The following JAM3 variants were observed in gnomAD, a reference collection of about 807,000 sequenced individuals.
The protein encoded by JAM3 is junctional adhesion molecule 3, also known as junctional adhesion molecule C.
Under a neutral mutation model 39.4 loss-of-function variants are expected in JAM3, and 31 were observed. That is an observed-to-expected ratio of 0.79 (90% CI 0.59 to 1.06). The LOEUF (loss-of-function observed/expected upper bound fraction) is 1.06, where lower values mean the gene tolerates loss of function less well. Ranked by LOEUF, JAM3 falls within the 50% of genes least tolerant of loss-of-function variation. JAM3 has a pLI of 0.00. For synonymous variants in JAM3, 182 were observed against 148.7 expected (o/e 1.22, Z -1.63); for missense variants, 455 against 391.4 (o/e 1.16, Z -1.37).
chr11:134,117,057 AACTT>A (rs1445758247), intron 1 of JAM3, among the ~76,000 whole-genome samples: 1 of 151,868 alleles, frequency 6.6e-6, no homozygotes, highest in African/African-American at 2.4e-5. Context: ...ATGAAAAAGA[AACTT>A]AAAAAAAAAA....
chr11:134,147,690 C>CCGTG (rs1565507250), intron 6 of JAM3: 12 of 150,222 alleles, frequency 8.0e-5, no homozygotes, highest in African/African-American at 2.7e-4. Flanking sequence ...GTTTCACCAC[C>CCGTG]TTAGCCAGGA....
chr11:134,134,909 C>CATAT (rs1299021801), intron 1 of JAM3, among the ~76,000 whole-genome samples: 1 of 152,004 alleles, frequency 6.6e-6, no homozygotes, highest in Non-Finnish European at 1.5e-5. Context: ...AATCCCTTAT[C>CATAT]ATATATATAT....
intron 1 of JAM3, among the ~76,000 whole-genome samples, chr11:134,130,803 G>T (rs1264461765): frequency 1.3e-5 from 2 of 152,336 alleles, no homozygotes; most frequent in East Asian, 3.9e-4. Context: ...TAATGTGTAT[G>T]TCTATTCCAG....
intron 1 of JAM3, among the ~76,000 whole-genome samples, chr11:134,130,253 C>G (rs1942743527): frequency 6.6e-6 from 1 of 152,148 alleles, no homozygotes; most frequent in African/African-American, 2.4e-5. Context: ...ATCAAAGAAA[C>G]ATTGAAAGAG....
intron 1 of JAM3, among the ~76,000 whole-genome samples, chr11:134,091,982 A>G (rs1591776035): frequency 3.3e-5 from 5 of 152,194 alleles, no homozygotes; most frequent in Admixed American, 2.0e-4. Context: ...ACTTCTAGTC[A>G]TTTCTGTACA....
chr11:134,073,382 A>G (rs1187813592), intron 1 of JAM3, among the ~76,000 whole-genome samples: 5 of 152,224 alleles, frequency 3.3e-5, no homozygotes, highest in African/African-American at 9.7e-5. Context: ...GACTATATGA[A>G]CATTTTTTCT....
chr11:134,088,876 G>A (rs1450150466), intron 1 of JAM3, among the ~76,000 whole-genome samples: 1 of 152,118 alleles, frequency 6.6e-6, no homozygotes, highest in South Asian at 2.1e-4. Flanking sequence ...TGCAACCTCC[G>A]CCTCCCAGGT....
At chr11:134,133,046 GGTT>G (rs1157952884) in intron 1 of JAM3, among the ~76,000 whole-genome samples, 1 of 152,128 alleles carries the variant, frequency 6.6e-6, no homozygotes, top group Non-Finnish European at 1.5e-5. Context: ...TTGATTTTCA[GGTT>G]GTTCAGCTTT....
chr11:134,130,002 CA>C lies in JAM3; in HGVS notation c.77-9839del, dbSNP rs537381988. ...TGGTTACAGAGTGAGATTCTGTCTC[CA>C]AAAAAAAAAGTCAGTAAGAGTATTA... On this transcript the variant is annotated intron_variant, in intron 1 of 8. Coordinates refer to ENST00000299106, the MANE Select transcript of JAM3 (RefSeq NM_032801.5). 9.0e-4 allele frequency among the ~76,000 whole-genome samples: 128 copies of C among 142,810 alleles called. 1 individual carries two copies. Among genetic ancestry groups the C allele is most frequent in the South Asian group, 1.4e-3 (6 of 4,298 alleles). 93.7% of individuals were successfully genotyped at this position (142,810 alleles called of 152,430 possible).
intron 1 of JAM3, among the ~76,000 whole-genome samples, chr11:134,073,491 T>C (rs1941515336): frequency 6.6e-6 from 1 of 152,224 alleles, no homozygotes; most frequent in Non-Finnish European, 1.5e-5. Flanking sequence ...TCATGCTATC[T>C]GCTATGTTTG....
At chr11:134,109,977 C>A (rs954365733) in intron 1 of JAM3, among the ~76,000 whole-genome samples, 1 of 152,138 alleles carries the variant, frequency 6.6e-6, no homozygotes, top group Admixed American at 6.5e-5. Context: ...TTTATTTTCC[C>A]TTCACATTGC....
At chr11:134,120,111 G>A (rs905637152) in intron 1 of JAM3, among the ~76,000 whole-genome samples, 1 of 148,252 alleles carries the variant, frequency 6.7e-6, no homozygotes, top group Non-Finnish European at 1.5e-5. Context: ...TTGCTGCAAA[G>A]ATGCTATTTT....
At chr11:134,072,511 T>C (rs1451269564) in intron 1 of JAM3, among the ~76,000 whole-genome samples, 1 of 152,208 alleles carries the variant, frequency 6.6e-6, no homozygotes, top group African/African-American at 2.4e-5. Flanking sequence ...GGTTTCACCA[T>C]GTTGGCCAGG....
intron 1 of JAM3, among the ~76,000 whole-genome samples, chr11:134,079,992 C>CTT (rs149112662): frequency 0.023 from 3,362 of 148,000 alleles, 131 homozygotes; most frequent in African/African-American, 0.083. Flanking sequence ...TTGTTTTGTT[C>CTT]TTTTTTTTGT....
At chr11:134,148,405 TTCTC>T (rs1183874943) in intron 6 of JAM3, 138 bp from the exon 7 acceptor site, 2 of 910,970 alleles carry the variant, frequency 2.2e-6, no homozygotes, top group African/African-American at 3.3e-5. Context: ...ATTGTAAGTG[TTCTC>T]TCTTCTAGCT....
intron 1 of JAM3, 91 bp from the exon 2 acceptor site, chr11:134,139,760 C>G: frequency 2.1e-6 from 2 of 947,674 alleles, no homozygotes; most frequent in Non-Finnish European, 3.5e-6. Context: ...GTAACCATAG[C>G]CTACGCAGAC....
chr11:134,087,050 C>T (rs947384530), intron 1 of JAM3, among the ~76,000 whole-genome samples: 4 of 152,082 alleles, frequency 2.6e-5, no homozygotes, highest in East Asian at 1.9e-4. Flanking sequence ...AGCGATCCTC[C>T]TCCCTCAGTC....
chr11:134,115,926 G>C (rs1942421792), intron 1 of JAM3, among the ~76,000 whole-genome samples: 1 of 151,836 alleles, frequency 6.6e-6, no homozygotes, highest in East Asian at 1.9e-4. Flanking sequence ...TTGGAGGAGG[G>C]GATAGATACC....
At chr11:134,089,055 T>C (rs1353880617) in intron 1 of JAM3, among the ~76,000 whole-genome samples, 1 of 152,348 alleles carries the variant, frequency 6.6e-6, no homozygotes, top group South Asian at 2.1e-4. Context: ...TGTGGGACAT[T>C]GAGAACTATG....
Sources: allele counts gnomAD v4.1 joint callset (sites outside exome capture counted in the v4.1 genomes callset), GRCh38; gene constraint gnomAD v4.1.1; transcripts MANE v1.5; gene names NCBI Gene and HGNC (gene_info 2026-07-23, HGNC 2026-07-21).